ACSM6: variants seen among roughly 807,000 people sequenced by gnomAD.
ACSM6 encodes acyl-CoA synthetase medium chain family member 6, also known as acyl-coenzyme A synthetase ACSM6, mitochondrial.
In ACSM6, 35 loss-of-function variants were observed where a neutral mutation model predicts 51.1. That is an observed-to-expected ratio of 0.69 (90% CI 0.52 to 0.91). The LOEUF is 0.91. Ranked by LOEUF, ACSM6 falls within the 40% of genes least tolerant of loss-of-function variation. The pLI, the probability that ACSM6 is intolerant of heterozygous loss-of-function variation, is 0.00. For synonymous variants in ACSM6, 172 were observed against 207.3 expected, an observed-to-expected ratio of 0.83 and a Z score of 1.46; for missense variants, 509 against 584.1, an observed-to-expected ratio of 0.87 and a Z score of 1.32.
chr10:95,207,496 T>C, intron 4 of ACSM6, 81 bp downstream of exon 4: 1 of 1,421,116 alleles, frequency 7.0e-7, no homozygotes, highest in Non-Finnish European at 9.9e-7. Flanking sequence ...GAAAGTGGTG[T>C]GAGTGGTCAG....
chr10:95,207,107 G>T (rs1160940263), intron 3 of ACSM6, 101 bp from the exon 4 acceptor site: 3 of 1,095,292 alleles, frequency 2.7e-6, no homozygotes, highest in East Asian at 5.1e-5. Context: ...TCCTAAGAGA[G>T]AGGGTAACCC....
At chr10:95,216,887 G>A (rs2034950381) in intron 8 of ACSM6, among the ~76,000 whole-genome samples, 1 of 152,198 alleles carries the variant, frequency 6.6e-6, no homozygotes, top group African/African-American at 2.4e-5. Flanking sequence ...GAAGGAAAGA[G>A]TCAGGGAACA....
At chr10:95,202,575 CAG>C (rs2034804660) in intron 3 of ACSM6, among the ~76,000 whole-genome samples, 1 of 152,148 alleles carries the variant, frequency 6.6e-6, no homozygotes, top group African/African-American at 2.4e-5. Flanking sequence ...AAACAACAGA[CAG>C]AGCATGCACA....
chr10:95,207,268 G>C (rs151317777), exon 4 of ACSM6: 4 of 1,613,962 alleles, frequency 2.5e-6, no homozygotes, highest in Non-Finnish European at 3.4e-6. Context: ...TATCAATTAC[G>C]CATGTCTAAG....
In ACSM6 at chr10:95,200,337, G is replaced by C. The variant is rs2034778904; in HGVS notation, c.193-1648G>C. ...ACAGGAAGGGGAACATCACACTCTG[G>C]GGACTGTTGTGGGGTGGGGGGAGGG... On this transcript the variant is annotated intron_variant, in intron 2 of 10. Coordinates refer to ENST00000341686, the Ensembl canonical transcript of ACSM6. Among the ~76,000 whole-genome samples, 3 of 127,134 alleles carry C rather than the reference G, an allele frequency of 2.4e-5. No homozygotes were observed. In the South Asian group the frequency reaches 9.7e-4, roughly 41 times the overall value. 83.4% of individuals were successfully genotyped at this position (127,134 alleles called of 152,430 possible).
intron 5 of ACSM6, among the ~76,000 whole-genome samples, chr10:95,211,121 CA>C (rs1266342371): frequency 6.6e-6 from 1 of 152,056 alleles, no homozygotes; most frequent in Middle Eastern, 3.2e-3. Flanking sequence ...TTGTGTTGAC[CA>C]CTATATGTAG....
intron 2 of ACSM6, among the ~76,000 whole-genome samples, chr10:95,195,317 G>A (rs1257828837): frequency 2.0e-5 from 3 of 152,166 alleles, no homozygotes; most frequent in Non-Finnish European, 4.4e-5. Context: ...TGAAGAATGA[G>A]AAGAATTTCA....
chr10:95,205,967 C>T (rs544319956), intron 3 of ACSM6, among the ~76,000 whole-genome samples: 4 of 152,284 alleles, frequency 2.6e-5, no homozygotes, highest in Non-Finnish European at 5.9e-5. Flanking sequence ...GATGAACTCC[C>T]CATTCCATGC....
At chr10:95,196,944 G>A (rs1404845052) in intron 2 of ACSM6, among the ~76,000 whole-genome samples, 3 of 152,036 alleles carry the variant, frequency 2.0e-5, no homozygotes, top group South Asian at 2.1e-4. Flanking sequence ...TTGTAAGCAA[G>A]GCTGAAATGA....
intron 8 of ACSM6, among the ~76,000 whole-genome samples, chr10:95,218,918 T>G (rs2034968773): frequency 6.6e-6 from 1 of 152,230 alleles, no homozygotes; most frequent in Admixed American, 6.5e-5. Flanking sequence ...CAAGAAAATA[T>G]TAAGTCTCTT....
At chr10:95,208,271 T>C (rs1220045744) in intron 4 of ACSM6, among the ~76,000 whole-genome samples, 1 of 152,110 alleles carries the variant, frequency 6.6e-6, no homozygotes, top group Non-Finnish European at 1.5e-5. Context: ...AACTAAATAA[T>C]GTGTACAAAT....
intron 7 of ACSM6, 108 bp from the exon 8 acceptor site, chr10:95,214,744 T>C: frequency 7.9e-7 from 1 of 1,272,988 alleles, no homozygotes; most frequent in Non-Finnish European, 1.1e-6. Context: ...TTAATGAGCA[T>C]TTCCTGTATT....
intron 10 of ACSM6, among the ~76,000 whole-genome samples, chr10:95,227,175 CA>C (rs2035047290): frequency 6.6e-6 from 1 of 151,994 alleles, no homozygotes; most frequent in Non-Finnish European, 1.5e-5. Context: ...TTAGTAGAAA[CA>C]GGGTTTTACC....
chr10:95,209,124 G>A (rs779724632), intron 4 of ACSM6, among the ~76,000 whole-genome samples: 2 of 152,036 alleles, frequency 1.3e-5, no homozygotes, highest in African/African-American at 4.8e-5. Context: ...GGAGATGGGG[G>A]AATGATTTTA....
At chr10:95,212,232 G>T (rs927969281) in intron 6 of ACSM6, among the ~76,000 whole-genome samples, 198 bp downstream of exon 6, 2 of 152,128 alleles carry the variant, frequency 1.3e-5, no homozygotes, top group Non-Finnish European at 2.9e-5. Flanking sequence ...GGAAGACTTG[G>T]CTACTTCCAT....
At position 95,211,859 on chromosome 10, in the gene ACSM6, CT is replaced by C. The variant is rs1327352709; in HGVS notation, c.756-16del. ...TACCAGCACGAGAGAATTCAAATGG[CT>C]TTCCTCTTTCTCTTTAGACGGTGGA... On this transcript the variant is annotated intron_variant, in intron 5 of 10. Transcript: ENST00000341686. The C allele has an allele frequency of 6.4e-7, 1 of 1,574,776 alleles. No individual in the cohort carries two copies. Among genetic ancestry groups the C allele is most frequent in the South Asian group, 1.2e-5 (1 of 82,968 alleles).
intron 8 of ACSM6, among the ~76,000 whole-genome samples, chr10:95,219,030 A>G (rs1022652559): frequency 2.6e-5 from 4 of 152,228 alleles, no homozygotes; most frequent in African/African-American, 4.8e-5. Context: ...CTATAGTCCC[A>G]GCACTTTAGG....
chr10:95,194,376 C>A, intron 1 of ACSM6, 73 bp downstream of exon 1: 1 of 1,021,150 alleles, frequency 9.8e-7, no homozygotes, highest in Non-Finnish European at 1.4e-6. Context: ...AAATTGTTTG[C>A]CTTATGGATT....
intron 10 of ACSM6, among the ~76,000 whole-genome samples, chr10:95,227,592 C>G (rs2035050781): frequency 6.6e-6 from 1 of 152,228 alleles, no homozygotes; most frequent in South Asian, 2.1e-4. Context: ...ACCCATAAGA[C>G]AGATTCCAAA....
Sources: gnomAD v4.1 joint callset for allele counts (sites outside exome capture counted in the v4.1 genomes callset) on GRCh38, gnomAD v4.1.1 for gene constraint, MANE v1.5 for transcripts, NCBI Gene and HGNC (gene_info 2026-07-23, HGNC 2026-07-21) for gene names.